Variants in NFKBIL1 observed in about 807,000 individuals in gnomAD.
NFKBIL1 encodes NF-kappa-B inhibitor-like protein 1.
In NFKBIL1, 30 loss-of-function variants were observed where a neutral mutation model predicts 45.4. The ratio of observed to expected loss-of-function variants is 0.66; its 90% CI spans 0.49 to 0.90. NFKBIL1 has a LOEUF of 0.90. Ranked by LOEUF, NFKBIL1 falls within the 40% of genes least tolerant of loss-of-function variation. NFKBIL1 has a pLI of 0.00. For synonymous variants in NFKBIL1, 179 were observed against 197.3 expected, an observed-to-expected ratio of 0.91 and a Z score of 0.78; for missense variants, 434 against 513.4, an observed-to-expected ratio of 0.85 and a Z score of 1.49.
chr6:31,547,674 G>T lies in NFKBIL1; in HGVS notation c.-21G>T, dbSNP rs780683025. The T allele has an allele frequency of 2.5e-6, 4 of 1,592,306 alleles. No homozygotes were observed. In the South Asian group the frequency reaches 3.3e-5, roughly 13 times the overall value. ...TGGGCCTACGGCTCTGGGGGTACTT[G>T]GGGGGGCGGGGGCAGGTCTGATGAG... is the stretch of plus-strand genomic sequence containing the variant. On this transcript the variant is annotated 5_prime_UTR_variant, in exon 1 of 4. Coordinates refer to ENST00000376148, the MANE Select transcript of NFKBIL1 (RefSeq NM_005007.4).
chr6:31,557,618 C>A lies in NFKBIL1; in HGVS notation c.335-10C>A. 1 of 1,492,786 alleles carries A rather than the reference C, an allele frequency of 6.7e-7. No homozygotes were observed. Among genetic ancestry groups the A allele is most frequent in the Non-Finnish European group, 8.9e-7 (1 of 1,118,022 alleles). 92.5% of individuals were successfully genotyped at this position (1,492,786 alleles called of 1,614,324 possible). A position where few individuals can be genotyped will look rare whatever the true frequency, so the allele number is the denominator to read the frequency against. On this transcript the variant is annotated splice_polypyrimidine_tract_variant and intron_variant, in intron 2 of 3. Coordinates refer to ENST00000376148, the MANE Select transcript of NFKBIL1 (RefSeq NM_005007.4). The surrounding 1 kb of genome is among the most constrained non-coding windows in gnomAD (Gnocchi z 5.4). ...CAGCTAACTTCTGCTCCCTGCTCTC[C>A]CACCAACAGCCTACACCGATTTCTT...
At chr6:31,547,488 T>G (rs1769111987), upstream of NFKBIL1, 1 of 416,446 alleles carries the variant, frequency 2.4e-6, no homozygotes, top group East Asian at 3.5e-5. Flanking sequence ...CCCTGGGAGA[T>G]CTGGCCAAGA....
intron 2 of NFKBIL1, chr6:31,556,800 G>A: frequency 2.2e-6 from 1 of 454,714 alleles, no homozygotes; most frequent in South Asian, 1.6e-5. Context: ...CTGGCTGAGA[G>A]AAATTCCCCT....
In NFKBIL1 at chr6:31,557,492, C is replaced by G. The variant is rs1769808304; in HGVS notation, c.335-136C>G. ...TCAGTGATGGTTATTTCCTAATACCCAGGAGGCATCCATGTGAGCCACCCT... is the reference window on the plus strand; with the variant it reads ...TCAGTGATGGTTATTTCCTAATACCGAGGAGGCATCCATGTGAGCCACCCT... On this transcript the variant is annotated intron_variant, in intron 2 of 3. Transcript: ENST00000376148. The surrounding 1 kb of genome is among the most constrained non-coding windows in gnomAD (Gnocchi z 5.4). 1 of 557,298 alleles carries G rather than the reference C, an allele frequency of 1.8e-6. No individual in the cohort carries two copies. Among genetic ancestry groups the G allele is most frequent in the Non-Finnish European group, 3.1e-6 (1 of 326,882 alleles). The allele number at this position is 557,298 out of a possible 1,614,324, so 34.5% of individuals were successfully genotyped here.
At chr6:31,547,580 C>T (rs199586373), upstream of NFKBIL1, 8 of 611,464 alleles carry the variant, frequency 1.3e-5, no homozygotes, top group Non-Finnish European at 1.6e-5. Flanking sequence ...CTGCTTGCGC[C>T]ATTTCCTCCA....
intron 2 of NFKBIL1, among the ~76,000 whole-genome samples, chr6:31,548,728 G>C (rs1306178306): frequency 6.6e-6 from 1 of 152,202 alleles, no homozygotes; most frequent in Non-Finnish European, 1.5e-5. Flanking sequence ...AAGTAGCATA[G>C]AAGGTAGGCT....
In NFKBIL1 at chr6:31,557,994, A is replaced by C. The variant is rs755222026; in HGVS notation, c.557-28A>C. Reference sequence around the variant, plus strand: ...ATCACCTTCTCACAGCCTCTCTCCAACTACCCCCATCCCACCCTCCCAAAC... The same window carrying C: ...ATCACCTTCTCACAGCCTCTCTCCACCTACCCCCATCCCACCCTCCCAAAC... On this transcript the variant is annotated intron_variant, in intron 3 of 3. Coordinates refer to ENST00000376148, the MANE Select transcript of NFKBIL1 (RefSeq NM_005007.4). The surrounding 1 kb of genome is among the most constrained non-coding windows in gnomAD (Gnocchi z 5.4). 2 of 1,523,090 alleles carry C rather than the reference A, an allele frequency of 1.3e-6. No individual in the cohort carries two copies. Among genetic ancestry groups the C allele is most frequent in the Non-Finnish European group, 8.9e-7 (1 of 1,121,664 alleles). 94.3% of individuals were successfully genotyped at this position (1,523,090 alleles called of 1,614,324 possible).
rs1769205450 is a variant in NFKBIL1 at position 31,548,208 on chromosome 6, C to T, written c.103C>T (p.Arg35Cys). 6.2e-7 allele frequency: 1 copy of T among 1,613,162 alleles called. No individual in the cohort carries two copies. Among genetic ancestry groups the T allele is most frequent in the Non-Finnish European group, 8.5e-7 (1 of 1,180,046 alleles). ...CACTTCCCGCCGCCAACGCCGAGAA[C>T]GTCGCTTTCGTCGTTACTTGTCTGC... ...ASTSRRQRRE[R>C]RFRRYLSAGR... is the part of the protein sequence containing the mutation. Residue 35 changes from arginine (R) to cysteine (C), a missense_variant, in exon 2 of 4, where the codon CGT becomes TGT. Transcript: ENST00000376148.
rs904437697 is a variant in NFKBIL1 at position 31,557,332 on chromosome 6, TCTC to T, written c.335-293_335-291del. On this transcript the variant is annotated intron_variant, in intron 2 of 3. Coordinates refer to ENST00000376148, the MANE Select transcript of NFKBIL1 (RefSeq NM_005007.4). This position sits in a 1 kb window ranked among gnomAD's most constrained non-coding sequence, Gnocchi z 5.4. ...ACCATGTTAGCCAGGATGGTCTTGA[TCTC>T]CTGACCTCGTGATCCGCCCGCCTCG... 6.6e-6 allele frequency among the ~76,000 whole-genome samples: 1 copy of T among 152,078 alleles called. No homozygotes were observed. Among genetic ancestry groups the T allele is most frequent in the African/African-American group, 2.4e-5 (1 of 41,400 alleles).
chr6:31,556,037 G>C (rs1769720849), intron 2 of NFKBIL1, among the ~76,000 whole-genome samples: 1 of 151,878 alleles, frequency 6.6e-6, no homozygotes, highest in African/African-American at 2.4e-5. Context: ...TTAATATTAT[G>C]TTTTTATAGT....
In NFKBIL1 at chr6:31,558,000, C is replaced by CCCCAA; in HGVS notation, c.557-20_557-19insCAACC. The CCCCAA allele has an allele frequency of 8.1e-6, 12 of 1,483,530 alleles. No homozygotes were observed. The highest frequency in any genetic ancestry group is 1.4e-5 in the African/African-American group (1 of 72,862). The allele number at this position is 1,483,530 out of a possible 1,614,324, so 91.9% of individuals were successfully genotyped here. On this transcript the variant is annotated intron_variant, in intron 3 of 3. Transcript: ENST00000376148. This position sits in a 1 kb window ranked among gnomAD's most constrained non-coding sequence, Gnocchi z 5.4. Reference sequence around the variant, plus strand: ...TTCTCACAGCCTCTCTCCAACTACCCCCATCCCACCCTCCCAAACAGGTGA... The same window carrying CCCCAA: ...TTCTCACAGCCTCTCTCCAACTACCCCCCAACCATCCCACCCTCCCAAACAGGTGA...
At chr6:31,553,395 G>A (rs965842073) in intron 2 of NFKBIL1, among the ~76,000 whole-genome samples, 25 of 152,080 alleles carry the variant, frequency 1.6e-4, no homozygotes, top group African/African-American at 6.0e-4. Context: ...GGAAAAACAA[G>A]AGTCCCACCT....
chr6:31,547,225 C>T (rs920142604), upstream of NFKBIL1, among the ~76,000 whole-genome samples: 2 of 151,814 alleles, frequency 1.3e-5, no homozygotes, highest in African/African-American at 4.8e-5. Context: ...TGTTGTTGTC[C>T]CACTGTGGTT....
chr6:31,555,493 C>G (rs1251188827), intron 2 of NFKBIL1, among the ~76,000 whole-genome samples: 2 of 151,710 alleles, frequency 1.3e-5, no homozygotes, highest in Admixed American at 6.6e-5. Flanking sequence ...CCGCCTCAGC[C>G]TCCCAAAGTG....
In NFKBIL1 at chr6:31,558,785, T is replaced by C; in HGVS notation, c.*174T>C. On this transcript the variant is annotated 3_prime_UTR_variant, in exon 4 of 4. Transcript: ENST00000376148. The surrounding 1 kb of genome is among the most constrained non-coding windows in gnomAD (Gnocchi z 7.2). ...GGGGGGTGCGGGCCGCCACCACTGC[T>C]CCTTGACTCTGCCGTTTCCTAATAA... 1.7e-6 allele frequency: 1 copy of C among 573,914 alleles called. No individual in the cohort carries two copies. The highest frequency in any genetic ancestry group is 3.1e-6 in the Non-Finnish European group (1 of 324,132). 35.6% of individuals were successfully genotyped at this position (573,914 alleles called of 1,614,324 possible). A position where few individuals can be genotyped will look rare whatever the true frequency, so the allele number is the denominator to read the frequency against.
rs1583015922 is a variant in NFKBIL1 at position 31,558,650 on chromosome 6, C to T, written c.*39C>T. On this transcript the variant is annotated 3_prime_UTR_variant, in exon 4 of 4. Coordinates refer to ENST00000376148, the MANE Select transcript of NFKBIL1 (RefSeq NM_005007.4). The surrounding 1 kb of genome is among the most constrained non-coding windows in gnomAD (Gnocchi z 7.2). ...GCAAGAAACTTCGGGGCTGCAGCCTCAGGATGAGGCAGAAGGAAGGGTAAG... is the reference window on the plus strand; with the variant it reads ...GCAAGAAACTTCGGGGCTGCAGCCTTAGGATGAGGCAGAAGGAAGGGTAAG... 1.3e-6 allele frequency: 2 copies of T among 1,482,080 alleles called. No homozygotes were observed. Among genetic ancestry groups the T allele is most frequent in the East Asian group, 5.0e-5 (2 of 40,264 alleles). The allele number at this position is 1,482,080 out of a possible 1,614,324, so 91.8% of individuals were successfully genotyped here. A position where few individuals can be genotyped will look rare whatever the true frequency, so the allele number is the denominator to read the frequency against.
chr6:31,548,381 C>A lies in NFKBIL1; in HGVS notation c.276C>A (p.Ala92=). 6.4e-7 allele frequency: 1 copy of A among 1,562,802 alleles called. No individual in the cohort carries two copies. Among genetic ancestry groups the A allele is most frequent in the South Asian group, 1.2e-5 (1 of 85,372 alleles). ...CLLLRLGADP[A]HQDRHGDTAL... ...TGCTTCGGCTCGGGGCTGACCCTGC[C>A]CACCAGGACCGCCATGGGGACACGG... The change falls in exon 2 of 4, where the codon GCC becomes GCA. Residue 92 remains alanine (A), a synonymous_variant. Transcript: ENST00000376148.
chr6:31,548,577 G>A (rs1484864415), intron 2 of NFKBIL1, 138 bp downstream of exon 2: 8 of 930,910 alleles, frequency 8.6e-6, no homozygotes, highest in Admixed American at 3.6e-5. Context: ...GCATGTGGCT[G>A]TCATTTGTCC....
At position 31,557,945 on chromosome 6, in the gene NFKBIL1, G is replaced by A; in HGVS notation, c.557-77G>A. The A allele has an allele frequency of 6.7e-7, 1 of 1,497,450 alleles. No homozygotes were observed. Among genetic ancestry groups the A allele is most frequent in the South Asian group, 1.3e-5 (1 of 76,614 alleles). 92.8% of individuals were successfully genotyped at this position (1,497,450 alleles called of 1,614,324 possible). On this transcript the variant is annotated intron_variant, in intron 3 of 3. Transcript: ENST00000376148. The surrounding 1 kb of genome is among the most constrained non-coding windows in gnomAD (Gnocchi z 5.4). ...ACTAGGCTCCTCTGCCCCCTCCTCT[G>A]TGCTTCCCTGCTTCTTGGGGCCCAT...
Sources: gnomAD v4.1 joint callset for allele counts (sites outside exome capture counted in the v4.1 genomes callset) on GRCh38, gnomAD v4.1.1 for gene constraint, Gnocchi (gnomAD v3.1) non-coding constraint, MANE v1.5 for transcripts, NCBI Gene and HGNC (gene_info 2026-07-23, HGNC 2026-07-21) for gene names.